Variants in CCDC85C observed in about 807,000 individuals in gnomAD.
The protein encoded by CCDC85C is coiled-coil domain containing 85C, also known as coiled-coil domain-containing protein 85C.
A neutral mutation model predicts 38.3 loss-of-function variants in CCDC85C; 18 were observed. That is an observed-to-expected ratio of 0.47 (90% CI 0.33 to 0.70). The LOEUF (loss-of-function observed/expected upper bound fraction) is 0.70, where lower values mean the gene tolerates loss of function less well. CCDC85C is among the 30% of genes least tolerant of loss of function. The pLI is 0.03. For synonymous variants in CCDC85C, 264 were observed against 293.8 expected, an observed-to-expected ratio of 0.90 and a Z score of 1.04; for missense variants, 566 against 621.2, an observed-to-expected ratio of 0.91 and a Z score of 0.94.
intron 1 of CCDC85C, among the ~76,000 whole-genome samples, chr14:99,556,069 C>T (rs10150666): frequency 0.53 from 80,087 of 152,150 alleles, 21,419 homozygotes; most frequent in African/African-American, 0.61. Context: ...TGAGACACAG[C>T]TCCAAATGAA....
In CCDC85C at chr14:99,544,528, G is replaced by T. The variant is rs935312703; in HGVS notation, c.794-8440C>A. ...TGTGTGTGTGTGTGTCTGTGTGTCT[G>T]TGTGTTCCCACACCCAGGACTCTTC... On this transcript the variant is annotated intron_variant, in intron 1 of 5. Transcript: ENST00000380243. The surrounding 1 kb of genome is among the most constrained non-coding windows in gnomAD (Gnocchi z 5.3). 6.6e-6 allele frequency among the ~76,000 whole-genome samples: 1 copy of T among 152,016 alleles called. No individual in the cohort carries two copies. Among genetic ancestry groups the T allele is most frequent in the African/African-American group, 2.4e-5 (1 of 41,330 alleles).
Position 99,503,007 on chromosome 14 carries a change from T to C in CCDC85C, c.*12239A>G, listed in dbSNP as rs1226388458. The stretch of plus-strand genomic sequence containing the variant: ...GTGGTGAGTGGGCTAAAGCAGGCCC[T>C]GGGTAGAGCAGGCTTTCCAGGTGGC... On this transcript the variant is annotated 3_prime_UTR_variant, in exon 6 of 6. Coordinates refer to ENST00000380243, the MANE Select transcript of CCDC85C (RefSeq NM_001144995.2). 1 of 1,613,636 alleles carries C rather than the reference T, an allele frequency of 6.2e-7. No individual in the cohort carries two copies. Among genetic ancestry groups the C allele is most frequent in the East Asian group, 2.2e-5 (1 of 44,856 alleles).
intron 1 of CCDC85C, among the ~76,000 whole-genome samples, chr14:99,557,115 C>G (rs1566772925): frequency 6.6e-6 from 1 of 152,200 alleles, no homozygotes; most frequent in Non-Finnish European, 1.5e-5. Context: ...CCTCTGTTAC[C>G]TTCTCAGATC....
In CCDC85C at chr14:99,574,405, C is replaced by CA. The variant is rs1898426642; in HGVS notation, c.793+28761dup. Among the ~76,000 whole-genome samples, 5 of 152,244 alleles carry CA rather than the reference C, an allele frequency of 3.3e-5. No individual in the cohort carries two copies. In the South Asian group the frequency reaches 1.0e-3, roughly 32 times the overall value. On this transcript the variant is annotated intron_variant, in intron 1 of 5. Coordinates refer to ENST00000380243, the MANE Select transcript of CCDC85C (RefSeq NM_001144995.2). The stretch of plus-strand genomic sequence containing the variant: ...ATCCCGGCCACAGCTCACTCTCCCC[C>CA]AAACAGGTCCTGTCACACCCCATAC...
chr14:99,548,531 G>A lies in CCDC85C; in HGVS notation c.794-12443C>T, dbSNP rs1406921164. ...AAAGCCCAGCACAAGCGCCCAACGA[G>A]ACAGGCACAAGACCGTGTCTGCCAA... On this transcript the variant is annotated intron_variant, in intron 1 of 5. Transcript: ENST00000380243. This position sits in a 1 kb window ranked among gnomAD's most constrained non-coding sequence, Gnocchi z 4.9. 6.6e-6 allele frequency among the ~76,000 whole-genome samples: 1 copy of A among 151,928 alleles called. No individual in the cohort carries two copies. Among genetic ancestry groups the A allele is most frequent in the Non-Finnish European group, 1.5e-5 (1 of 68,006 alleles).
At chr14:99,568,404 T>A (rs1463570206) in intron 1 of CCDC85C, among the ~76,000 whole-genome samples, 2 of 151,908 alleles carry the variant, frequency 1.3e-5, no homozygotes, top group Non-Finnish European at 2.9e-5. Context: ...CCCTCCTAAC[T>A]CCTCCTTCCT....
Position 99,502,339 on chromosome 14 carries a change from G to C in CCDC85C, c.*12907C>G. On this transcript the variant is annotated 3_prime_UTR_variant, in exon 6 of 6. Transcript: ENST00000380243. ...AACCCATGTATAGGAGATGGTGGGA[G>C]CAGTTTGTTCAAGATGTCCCGGTCG... The C allele has an allele frequency of 6.2e-7, 1 of 1,613,762 alleles. No individual in the cohort carries two copies. Among genetic ancestry groups the C allele is most frequent in the Non-Finnish European group, 8.5e-7 (1 of 1,179,840 alleles).
chr14:99,580,994 G>C (rs1056776113), intron 1 of CCDC85C, among the ~76,000 whole-genome samples: 1 of 152,184 alleles, frequency 6.6e-6, no homozygotes, highest in African/African-American at 2.4e-5. Context: ...CTGATGCTGA[G>C]GGGTCCCCAG....
intron 1 of CCDC85C, among the ~76,000 whole-genome samples, chr14:99,536,603 T>C (rs951677126): frequency 7.2e-5 from 11 of 152,192 alleles, no homozygotes; most frequent in African/African-American, 2.7e-4. Flanking sequence ...ATCCTTCCAG[T>C]CCACTTCGCC....
intron 2 of CCDC85C, among the ~76,000 whole-genome samples, chr14:99,525,097 C>T (rs1897358388): frequency 6.6e-6 from 1 of 152,190 alleles, no homozygotes; most frequent in East Asian, 1.9e-4. Flanking sequence ...AGGAAGAGAC[C>T]CAGGAGGTTG....
chr14:99,576,296 G>C lies in CCDC85C; in HGVS notation c.793+26871C>G, dbSNP rs1384160888. On this transcript the variant is annotated intron_variant, in intron 1 of 5. Coordinates refer to ENST00000380243, the MANE Select transcript of CCDC85C (RefSeq NM_001144995.2). This position sits in a 1 kb window ranked among gnomAD's most constrained non-coding sequence, Gnocchi z 4.8. ...CCCTCTGACCCCATCTAAAATCCAG[G>C]GCCAGGGCCCCTCGAGGGTGGTCCC... Among the ~76,000 whole-genome samples, 5 of 152,130 alleles carry C rather than the reference G, an allele frequency of 3.3e-5. No homozygotes were observed. Among genetic ancestry groups the C allele is most frequent in the Non-Finnish European group, 7.4e-5 (5 of 68,026 alleles).
At chr14:99,585,459 C>T (rs554497289) in intron 1 of CCDC85C, among the ~76,000 whole-genome samples, 11 of 152,336 alleles carry the variant, frequency 7.2e-5, no homozygotes, top group African/African-American at 1.2e-4. Context: ...AGTGACTTCA[C>T]GTCTCTGTGC....
chr14:99,593,430 C>A (rs534573347), intron 1 of CCDC85C, among the ~76,000 whole-genome samples: 2 of 152,362 alleles, frequency 1.3e-5, no homozygotes, highest in African/African-American at 4.8e-5. Flanking sequence ...CCTCACCTGT[C>A]CAGCCCTGCG....
At chr14:99,571,580 A>G (rs571494039) in intron 1 of CCDC85C, among the ~76,000 whole-genome samples, 7 of 152,300 alleles carry the variant, frequency 4.6e-5, no homozygotes, top group Admixed American at 2.0e-4. Flanking sequence ...GGGCCCCTCC[A>G]CCACTGGAAA....
At position 99,558,803 on chromosome 14, in the gene CCDC85C, G is replaced by C. The variant is rs1008331240; in HGVS notation, c.794-22715C>G. The stretch of plus-strand genomic sequence containing the variant: ...CAGGAAGAGGCAAGGAAGGTGATGT[G>C]GTTTGAATCTGGGTCCTCACCCAAT... On this transcript the variant is annotated intron_variant, in intron 1 of 5. Transcript: ENST00000380243. This position sits in a 1 kb window ranked among gnomAD's most constrained non-coding sequence, Gnocchi z 4.2. Among the ~76,000 whole-genome samples the C allele has an allele frequency of 3.3e-4, 50 of 152,116 alleles. No individual in the cohort carries two copies. The highest frequency in any genetic ancestry group is 1.2e-3 in the African/African-American group (48 of 41,422).
At position 99,576,436 on chromosome 14, in the gene CCDC85C, C is replaced by T. The variant is rs1046582255; in HGVS notation, c.793+26731G>A. ...GAGCAGCAGCTCCCGGGAGCCCCACCCTCAGCTCTGCCTGGAGACTCCTGA... is the reference window on the plus strand; with the variant it reads ...GAGCAGCAGCTCCCGGGAGCCCCACTCTCAGCTCTGCCTGGAGACTCCTGA... On this transcript the variant is annotated intron_variant, in intron 1 of 5. Coordinates refer to ENST00000380243, the MANE Select transcript of CCDC85C (RefSeq NM_001144995.2). This position sits in a 1 kb window ranked among gnomAD's most constrained non-coding sequence, Gnocchi z 4.8. 1 of 152,548 alleles carries T rather than the reference C, an allele frequency of 6.6e-6. No individual in the cohort carries two copies. The highest frequency in any genetic ancestry group is 2.4e-5 in the African/African-American group (1 of 41,472). 9.4% of individuals were successfully genotyped at this position (152,548 alleles called of 1,614,324 possible). A position where few individuals can be genotyped will look rare whatever the true frequency, so the allele number is the denominator to read the frequency against.
intron 1 of CCDC85C, among the ~76,000 whole-genome samples, chr14:99,568,704 T>G (rs751091405): frequency 6.6e-6 from 1 of 152,210 alleles, no homozygotes; most frequent in Non-Finnish European, 1.5e-5. Context: ...GCAGGGCCGC[T>G]GGGCTGCACA....
At chr14:99,594,184 C>A (rs910542502) in intron 1 of CCDC85C, among the ~76,000 whole-genome samples, 1 of 152,168 alleles carries the variant, frequency 6.6e-6, no homozygotes, top group African/African-American at 2.4e-5. Flanking sequence ...TGCATTGCAA[C>A]AACATTCTGG....
At chr14:99,540,151 A>G (rs1386579023) in intron 1 of CCDC85C, among the ~76,000 whole-genome samples, 1 of 122,718 alleles carries the variant, frequency 8.1e-6, no homozygotes, top group Non-Finnish European at 1.9e-5. Flanking sequence ...TCTTTAAAAA[A>G]AAAGGGGGGG....
Sources: gnomAD v4.1 joint callset for allele counts (sites outside exome capture counted in the v4.1 genomes callset) on GRCh38, gnomAD v4.1.1 for gene constraint, Gnocchi (gnomAD v3.1) non-coding constraint, MANE v1.5 for transcripts, NCBI Gene and HGNC (gene_info 2026-07-23, HGNC 2026-07-21) for gene names.